Variants in S100Z observed in about 807,000 individuals in gnomAD.
S100Z encodes protein S100-Z.
Under a neutral mutation model 8.5 loss-of-function variants are expected in S100Z, and 11 were observed. The ratio of observed to expected loss-of-function variants is 1.30; its 90% CI spans 0.82 to 2.15. S100Z has a LOEUF of 2.15. S100Z is among the 30% of genes most tolerant of loss of function. S100Z has a pLI of 0.00. For missense variants in S100Z, 126 were observed against 117.9 expected (o/e 1.07, Z -0.32); for synonymous variants, 34 against 43.8 (o/e 0.78, Z 0.89).
chr5:76,923,330 T>A (rs1745081157), downstream of S100Z, among the ~76,000 whole-genome samples: 1 of 152,216 alleles, frequency 6.6e-6, no homozygotes, highest in South Asian at 2.1e-4. Context: ...CCCATGTTAT[T>A]TAATTGTTTC....
At chr5:76,937,605 T>C in the S100Z span, among the ~76,000 whole-genome samples, 5 of 151,392 alleles carry the variant, frequency 3.3e-5, no homozygotes, top group Admixed American at 1.3e-4. Context: ...TAAAAAAAAA[T>C]AGCTGGATGT....
At chr5:76,887,075 A>G (rs1743671093) in intron 4 of S100Z, among the ~76,000 whole-genome samples, 1 of 151,110 alleles carries the variant, frequency 6.6e-6, no homozygotes, top group Non-Finnish European at 1.5e-5. Flanking sequence ...GTTACAAAAG[A>G]GCCTATCTTT....
Position 76,883,762 on chromosome 5 carries a change from G to A in S100Z, c.*2+5928G>A, listed in dbSNP as rs998174052. The stretch of plus-strand genomic sequence containing the variant: ...GTTGGACAGTCCGATTTCCACTGGG[G>A]TCCCGCACAGATGGGACATGGCTTA... On this transcript the variant is annotated intron_variant, in intron 4 of 4. Transcript: ENST00000317593. Among the ~76,000 whole-genome samples the A allele has an allele frequency of 3.3e-5, 5 of 152,234 alleles. No homozygotes were observed. The South Asian group carries it at 6.2e-4, about 19-fold the overall frequency.
the S100Z span, among the ~76,000 whole-genome samples, chr5:76,936,590 C>G: frequency 2.0e-5 from 3 of 150,278 alleles, no homozygotes; most frequent in South Asian, 2.1e-4. Context: ...CAATTTTACT[C>G]TCTCCCAAAA....
chr5:76,880,994 G>A (rs182757704), intron 4 of S100Z, among the ~76,000 whole-genome samples: 93 of 152,316 alleles, frequency 6.1e-4, no homozygotes, highest in Non-Finnish European at 8.5e-4. Context: ...GACTGATATA[G>A]TGTGGTGGAG....
the S100Z span, among the ~76,000 whole-genome samples, chr5:76,937,396 CTTAT>C: frequency 6.6e-6 from 1 of 151,540 alleles, no homozygotes; most frequent in African/African-American, 2.4e-5. Context: ...TTTTATTATT[CTTAT>C]TTAAATTTTA....
the S100Z span, among the ~76,000 whole-genome samples, chr5:76,949,305 C>T: frequency 1.3e-5 from 2 of 152,030 alleles, no homozygotes; most frequent in African/African-American, 2.4e-5. Flanking sequence ...AGGAGAATGG[C>T]GTGGACCCAG....
the S100Z span, among the ~76,000 whole-genome samples, chr5:76,935,586 C>T: frequency 4.6e-3 from 704 of 152,098 alleles, 2 homozygotes; most frequent in Non-Finnish European, 7.4e-3. Flanking sequence ...GGGAACATAT[C>T]TGATTCACAG....
chr5:76,922,648 C>T (rs1236320358), downstream of S100Z, among the ~76,000 whole-genome samples: 4 of 152,114 alleles, frequency 2.6e-5, no homozygotes, highest in African/African-American at 4.8e-5. Context: ...CTCAGCCTCC[C>T]GAGTAGCTGG....
the S100Z span, among the ~76,000 whole-genome samples, chr5:76,943,412 T>G: frequency 2.6e-5 from 4 of 152,224 alleles, no homozygotes; most frequent in Admixed American, 1.3e-4. Context: ...TAAGAGGTCA[T>G]ATGGAAAGAG....
At chr5:76,916,259 G>C (rs1164253645) in intron 4 of S100Z, among the ~76,000 whole-genome samples, 3 of 151,608 alleles carry the variant, frequency 2.0e-5, no homozygotes, top group African/African-American at 7.3e-5. Flanking sequence ...AATTATATAT[G>C]TACCAAATAA....
chr5:76,892,939 T>A (rs1470049567), intron 4 of S100Z, among the ~76,000 whole-genome samples: 2 of 152,148 alleles, frequency 1.3e-5, no homozygotes, highest in African/African-American at 4.8e-5. Flanking sequence ...TTGATGTACA[T>A]AGGGTGAAAT....
chr5:76,918,129 C>A (rs917090561), intron 4 of S100Z, among the ~76,000 whole-genome samples: 4 of 152,140 alleles, frequency 2.6e-5, no homozygotes, highest in African/African-American at 9.7e-5. Context: ...TACCTCCATA[C>A]CTCTATGCAC....
At chr5:76,938,027 G>C in the S100Z span, among the ~76,000 whole-genome samples, 1 of 152,070 alleles carries the variant, frequency 6.6e-6, no homozygotes, top group South Asian at 2.1e-4. Flanking sequence ...CCAGCAGGCA[G>C]AGGTTGCAGT....
intron 4 of S100Z, among the ~76,000 whole-genome samples, chr5:76,902,494 CA>C (rs1744262909): frequency 6.6e-6 from 1 of 152,206 alleles, no homozygotes; most frequent in Admixed American, 6.5e-5. Context: ...AGGGGTGGGG[CA>C]GGGGTGGCAT....
At chr5:76,850,783 C>G (rs1385694731) in intron 1 of S100Z, among the ~76,000 whole-genome samples, 1 of 152,114 alleles carries the variant, frequency 6.6e-6, no homozygotes, top group African/African-American at 2.4e-5. Flanking sequence ...TGAGAGGACA[C>G]AAAATTTGGG....
intron 4 of S100Z, among the ~76,000 whole-genome samples, chr5:76,913,101 C>G (rs1403334416): frequency 6.6e-6 from 1 of 152,208 alleles, no homozygotes; most frequent in Non-Finnish European, 1.5e-5. Context: ...AATTGAAGGT[C>G]TTCTCTGTAA....
At chr5:76,897,401 C>T (rs1744073936) in intron 4 of S100Z, among the ~76,000 whole-genome samples, 1 of 151,496 alleles carries the variant, frequency 6.6e-6, no homozygotes, top group Non-Finnish European at 1.5e-5. Context: ...CAAGATCGTG[C>T]CACTGCACTC....
chr5:76,911,001 T>C (rs915875633), intron 4 of S100Z, among the ~76,000 whole-genome samples: 7 of 152,200 alleles, frequency 4.6e-5, no homozygotes, highest in Admixed American at 4.6e-4. Flanking sequence ...GCTGGAACTA[T>C]TGTCTACATG....
Sources: allele counts gnomAD v4.1 joint callset (sites outside exome capture counted in the v4.1 genomes callset), GRCh38; gene constraint gnomAD v4.1.1; transcripts MANE v1.5; gene names NCBI Gene and HGNC (gene_info 2026-07-23, HGNC 2026-07-21).